The following TTC7B variants were observed in gnomAD, a reference collection of about 807,000 sequenced individuals.
The protein encoded by TTC7B is tetratricopeptide repeat protein 7B.
Under a neutral mutation model 106.8 loss-of-function variants are expected in TTC7B, and 28 were observed. The ratio of observed to expected loss-of-function variants is 0.26; its 90% CI spans 0.19 to 0.36. TTC7B has a LOEUF of 0.36. TTC7B is among the 10% of genes least tolerant of loss of function. The pLI is 1.00. For synonymous variants in TTC7B, 405 were observed against 430.6 expected (o/e 0.94, Z 0.74); for missense variants, 862 against 1,076.4 (o/e 0.80, Z 2.79).
chr14:90,744,150 A>C (rs1301570266), intron 4 of TTC7B, among the ~76,000 whole-genome samples: 1 of 152,246 alleles, frequency 6.6e-6, no homozygotes, highest in Non-Finnish European at 1.5e-5. Flanking sequence ...CTTGGCACAG[A>C]GTCCATACAA....
intron 15 of TTC7B, among the ~76,000 whole-genome samples, chr14:90,639,899 A>G (rs1432312040): frequency 6.6e-6 from 1 of 152,232 alleles, no homozygotes; most frequent in African/African-American, 2.4e-5. Flanking sequence ...GATGTTAAGC[A>G]ATGAACGCAA....
At chr14:90,620,237 G>C (rs1045658483) in intron 15 of TTC7B, among the ~76,000 whole-genome samples, 2 of 152,098 alleles carry the variant, frequency 1.3e-5, no homozygotes, top group African/African-American at 4.8e-5. Context: ...TGAGCATAAA[G>C]AGCGAGGCTA....
At chr14:90,781,047 T>C (rs1289467971) in intron 2 of TTC7B, 141 bp from the exon 3 acceptor site, 11 of 723,512 alleles carry the variant, frequency 1.5e-5, no homozygotes, top group Non-Finnish European at 2.5e-5. Flanking sequence ...AGCAGTGTTA[T>C]CCACAATAGC....
chr14:90,591,874 C>T (rs1291918044), intron 18 of TTC7B, among the ~76,000 whole-genome samples: 3 of 152,248 alleles, frequency 2.0e-5, no homozygotes, highest in African/African-American at 7.2e-5. Flanking sequence ...TACTGCTACT[C>T]CTTGGCCCTC....
At chr14:90,607,070 A>G (rs1440707260) in intron 17 of TTC7B, among the ~76,000 whole-genome samples, 1 of 152,238 alleles carries the variant, frequency 6.6e-6, no homozygotes, top group Non-Finnish European at 1.5e-5. Context: ...GGAGAGAGAG[A>G]TCGAATGAGA....
At chr14:90,640,049 C>A (rs2144484) in intron 15 of TTC7B, among the ~76,000 whole-genome samples, 5 of 152,114 alleles carry the variant, frequency 3.3e-5, no homozygotes, top group Admixed American at 1.3e-4. Context: ...GAGGCCGAGG[C>A]GCATGGATCG....
intron 18 of TTC7B, among the ~76,000 whole-genome samples, chr14:90,593,274 C>A (rs555435055): frequency 6.6e-6 from 1 of 152,342 alleles, no homozygotes; most frequent in South Asian, 2.1e-4. Context: ...GGCACCGAGG[C>A]AGGGGAGAGG....
intron 1 of TTC7B, among the ~76,000 whole-genome samples, chr14:90,798,144 C>A (rs2029996381): frequency 6.6e-6 from 1 of 152,180 alleles, no homozygotes; most frequent in Admixed American, 6.5e-5. Flanking sequence ...CATACCTAGC[C>A]CAGGCCAACC....
chr14:90,611,812 C>T lies in TTC7B; in HGVS notation c.1869-973G>A, dbSNP rs1489616171. ...TTTCTTTTTTAAATTCTAGGAGGCT[C>T]GTAGGTAAACACTATTGCTTTATTC... is the stretch of plus-strand genomic sequence containing the variant. On this transcript the variant is annotated intron_variant, in intron 16 of 19. Coordinates refer to ENST00000328459, the MANE Select transcript of TTC7B (RefSeq NM_001010854.2). Among the ~76,000 whole-genome samples, 5 of 152,150 alleles carry T rather than the reference C, an allele frequency of 3.3e-5. No homozygotes were observed. The East Asian group carries it at 5.8e-4, about 18-fold the overall frequency.
intron 9 of TTC7B, among the ~76,000 whole-genome samples, chr14:90,661,528 A>T (rs180912956): frequency 6.6e-6 from 1 of 152,234 alleles, no homozygotes; most frequent in African/African-American, 2.4e-5. Flanking sequence ...CTAGAAACTG[A>T]CTTGGGGATG....
chr14:90,552,577 C>A (rs976300495), intron 19 of TTC7B, among the ~76,000 whole-genome samples: 1 of 152,208 alleles, frequency 6.6e-6, no homozygotes, highest in Admixed American at 6.5e-5. Context: ...GTGGCCACTT[C>A]ACCTCCAGAT....
At chr14:90,662,359 C>A (rs1464891212) in intron 9 of TTC7B, among the ~76,000 whole-genome samples, 4 of 152,186 alleles carry the variant, frequency 2.6e-5, no homozygotes, top group African/African-American at 9.7e-5. Flanking sequence ...TCTTCTTCAG[C>A]CTCTGGTGGA....
intron 8 of TTC7B, among the ~76,000 whole-genome samples, chr14:90,679,416 A>G (rs1449370703): frequency 1.3e-5 from 2 of 152,122 alleles, no homozygotes; most frequent in African/African-American, 4.8e-5. Context: ...CTCCCATTAA[A>G]CAGTATGTGT....
chr14:90,654,530 T>A (rs1437744208), intron 12 of TTC7B, among the ~76,000 whole-genome samples: 1 of 152,090 alleles, frequency 6.6e-6, no homozygotes, highest in African/African-American at 2.4e-5. Context: ...CATGTACATA[T>A]CTACAAATTA....
chr14:90,529,573 T>A lies in TTC7B; in HGVS notation c.*11795A>T, dbSNP rs1422256029. ...GTATGGATTCTGGAGTCAGGCAACC[T>A]GGGTTCAAGGCCTGCTGTAGTATTA... On this transcript the variant is annotated 3_prime_UTR_variant, in exon 20 of 20. Coordinates refer to ENST00000328459, the MANE Select transcript of TTC7B (RefSeq NM_001010854.2). The A allele has an allele frequency of 3.3e-5, 5 of 152,242 alleles. No homozygotes were observed. The highest frequency in any genetic ancestry group is 2.1e-4 in the South Asian group (1 of 4,838). 9.4% of individuals were successfully genotyped at this position (152,242 alleles called of 1,614,324 possible).
At chr14:90,593,150 A>C (rs1810150052) in intron 18 of TTC7B, among the ~76,000 whole-genome samples, 1 of 152,222 alleles carries the variant, frequency 6.6e-6, no homozygotes, top group African/African-American at 2.4e-5. Context: ...TATGACTCCA[A>C]GTCACTCACA....
chr14:90,710,353 C>T (rs1350696368), intron 5 of TTC7B, among the ~76,000 whole-genome samples: 4 of 152,130 alleles, frequency 2.6e-5, no homozygotes, highest in Admixed American at 2.6e-4. Flanking sequence ...TACAGATATA[C>T]AAAGAAATAA....
chr14:90,568,752 T>C (rs1890900368), intron 19 of TTC7B, among the ~76,000 whole-genome samples: 1 of 152,192 alleles, frequency 6.6e-6, no homozygotes, highest in Non-Finnish European at 1.5e-5. Flanking sequence ...GATGTTGTTT[T>C]GAGCAGGAGG....
At position 90,541,110 on chromosome 14, in the gene TTC7B, A is replaced by C. The variant is rs1051800483; in HGVS notation, c.*258T>G. 2.4e-6 allele frequency: 1 copy of C among 408,626 alleles called. No individual in the cohort carries two copies. The highest frequency in any genetic ancestry group is 4.3e-6 in the Non-Finnish European group (1 of 230,986). The allele number at this position is 408,626 out of a possible 1,614,324, so 25.3% of individuals were successfully genotyped here. A position where few individuals can be genotyped will look rare whatever the true frequency, so the allele number is the denominator to read the frequency against. On this transcript the variant is annotated 3_prime_UTR_variant, in exon 20 of 20. Coordinates refer to ENST00000328459, the MANE Select transcript of TTC7B (RefSeq NM_001010854.2). ...TTACTGAAAACTCAGATGTCAACTA[A>C]CAAAATATGGCACATGATCCATTTT...
Sources: allele counts gnomAD v4.1 joint callset (sites outside exome capture counted in the v4.1 genomes callset), GRCh38; gene constraint gnomAD v4.1.1; transcripts MANE v1.5; gene names NCBI Gene and HGNC (gene_info 2026-07-23, HGNC 2026-07-21).